GALNT1: variants seen among roughly 807,000 people sequenced by gnomAD.
GALNT1 encodes the protein polypeptide N-acetylgalactosaminyltransferase 1.
A neutral mutation model predicts 65.7 loss-of-function variants in GALNT1; 17 were observed. The observed-to-expected ratio is 0.26, with a 90% CI of 0.18 to 0.39. GALNT1 has a LOEUF of 0.39. Among genes scored for constraint, GALNT1 ranks in the 10% least tolerant of loss-of-function variants. GALNT1 has a pLI of 1.00. For synonymous variants in GALNT1, 210 were observed against 219.7 expected (o/e 0.96, Z 0.39); for missense variants, 460 against 672.8 (o/e 0.68, Z 3.50).
At chr18:35,595,526 A>C (rs999849599) in intron 1 of GALNT1, among the ~76,000 whole-genome samples, 2 of 152,216 alleles carry the variant, frequency 1.3e-5, no homozygotes, top group Admixed American at 6.5e-5. Context: ...CCATAAACCT[A>C]TGGCAACAAG....
intron 6 of GALNT1, among the ~76,000 whole-genome samples, chr18:35,688,256 T>G (rs1205821275): frequency 6.6e-6 from 1 of 152,190 alleles, no homozygotes; most frequent in Admixed American, 6.5e-5. Flanking sequence ...TCTCATTCTT[T>G]TTTTCTTCTA....
At chr18:35,595,623 T>G (rs186429796) in intron 1 of GALNT1, among the ~76,000 whole-genome samples, 13 of 152,338 alleles carry the variant, frequency 8.5e-5, no homozygotes, top group Admixed American at 7.2e-4. Context: ...CACCTGATGT[T>G]AACATGTTTT....
At chr18:35,628,384 T>TC in intron 1 of GALNT1, among the ~76,000 whole-genome samples, 1 of 152,250 alleles carries the variant, frequency 6.6e-6, no homozygotes, top group Non-Finnish European at 1.5e-5. Context: ...AGAGGAACAA[T>TC]CAGGCAGCAA....
intron 1 of GALNT1, among the ~76,000 whole-genome samples, chr18:35,625,169 T>A (rs781023969): frequency 2.0e-5 from 3 of 152,210 alleles, no homozygotes; most frequent in South Asian, 2.1e-4. Flanking sequence ...ATTCCCATGC[T>A]GGGGATGTTT....
At chr18:35,642,704 T>C (rs7240353) in intron 1 of GALNT1, among the ~76,000 whole-genome samples, 4 of 152,016 alleles carry the variant, frequency 2.6e-5, no homozygotes, top group Non-Finnish European at 5.9e-5. Flanking sequence ...ACCCACAGAG[T>C]GGAAGCTCAT....
intron 1 of GALNT1, chr18:35,596,845 G>A (rs1023909185): frequency 6.6e-6 from 1 of 152,194 alleles, no homozygotes; most frequent in African/African-American, 2.4e-5. Context: ...CCTCAGCAGA[G>A]CCTCCAGTTC....
chr18:35,625,093 G>T (rs577600843), intron 1 of GALNT1, among the ~76,000 whole-genome samples: 1 of 152,364 alleles, frequency 6.6e-6, no homozygotes, highest in South Asian at 2.1e-4. Flanking sequence ...ATGCTGTCTT[G>T]TAGATTAGTT....
At chr18:35,709,174 T>A (rs543060481) in intron 11 of GALNT1, among the ~76,000 whole-genome samples, 3 of 152,210 alleles carry the variant, frequency 2.0e-5, no homozygotes, top group Non-Finnish European at 4.4e-5. Context: ...AACAGCCTTA[T>A]CATAGAGAAA....
At chr18:35,613,485 C>A (rs552161627) in intron 1 of GALNT1, among the ~76,000 whole-genome samples, 1 of 152,272 alleles carries the variant, frequency 6.6e-6, no homozygotes, top group East Asian at 1.9e-4. Flanking sequence ...AACAAGAAAT[C>A]TTGAATCCAG....
At chr18:35,611,329 A>G (rs2046713975) in intron 1 of GALNT1, among the ~76,000 whole-genome samples, 1 of 152,160 alleles carries the variant, frequency 6.6e-6, no homozygotes, top group Admixed American at 6.5e-5. Flanking sequence ...TAAGGCAGGA[A>G]TACTGTGTGA....
At chr18:35,708,143 C>G (rs2048296283) in intron 11 of GALNT1, among the ~76,000 whole-genome samples, 1 of 152,014 alleles carries the variant, frequency 6.6e-6, no homozygotes, top group Admixed American at 6.6e-5. Context: ...GGTTTTTGCT[C>G]AGAAGCATAT....
intron 2 of GALNT1, among the ~76,000 whole-genome samples, chr18:35,660,757 G>A (rs957735262): frequency 4.6e-5 from 7 of 152,166 alleles, no homozygotes; most frequent in East Asian, 1.9e-4. Context: ...ATCCAAACTC[G>A]TTTGCCAAGA....
intron 11 of GALNT1, among the ~76,000 whole-genome samples, chr18:35,707,827 G>A (rs564174350): frequency 2.1e-4 from 32 of 152,224 alleles, no homozygotes; most frequent in Non-Finnish European, 4.0e-4. Flanking sequence ...AGGTTCTCTT[G>A]TTCTGGTCTT....
chr18:35,628,164 C>A (rs1487679375), intron 1 of GALNT1, among the ~76,000 whole-genome samples: 1 of 152,226 alleles, frequency 6.6e-6, no homozygotes, highest in Admixed American at 6.5e-5. Context: ...GAACAAAAGG[C>A]AGCAGAAACC....
intron 1 of GALNT1, among the ~76,000 whole-genome samples, chr18:35,627,691 C>T (rs533255405): frequency 7.9e-5 from 12 of 152,138 alleles, no homozygotes; most frequent in Middle Eastern, 6.8e-3. Context: ...ACTGAGGTAC[C>T]GGGTTCATAT....
At chr18:35,706,451 G>A (rs1025448329) in intron 11 of GALNT1, among the ~76,000 whole-genome samples, 7 of 152,052 alleles carry the variant, frequency 4.6e-5, no homozygotes, top group East Asian at 3.9e-4. Context: ...GCAGTGAGCC[G>A]ATACCGCGCC....
intron 1 of GALNT1, among the ~76,000 whole-genome samples, chr18:35,625,875 A>T (rs1312776334): frequency 6.6e-6 from 1 of 152,166 alleles, no homozygotes; most frequent in Non-Finnish European, 1.5e-5. Context: ...TTAAAAATTA[A>T]AGTATGAGAA....
At chr18:35,627,751 G>A (rs1598787778) in intron 1 of GALNT1, among the ~76,000 whole-genome samples, 4 of 123,196 alleles carry the variant, frequency 3.2e-5, no homozygotes, top group South Asian at 2.4e-4. Flanking sequence ...GTAGCACACC[G>A]AGCTGAAGCA....
rs567930016 is a variant in GALNT1, at chr18:35,611,208, A to T, written c.-104+29346A>T. On this transcript the variant is annotated intron_variant, in intron 1 of 11. Coordinates refer to ENST00000269195, the MANE Select transcript of GALNT1 (RefSeq NM_020474.4). ...TGGAGCTGTTTTGGTTAAAGTGCAT[A>T]TGTGGTGGGAATACGGATTCGGGAG... 5.3e-5 allele frequency among the ~76,000 whole-genome samples: 8 copies of T among 152,278 alleles called. No homozygotes were observed. In the South Asian group the frequency reaches 1.2e-3, roughly 24 times the overall value.
Sources: gnomAD v4.1 joint callset for allele counts (sites outside exome capture counted in the v4.1 genomes callset) on GRCh38, gnomAD v4.1.1 for gene constraint, MANE v1.5 for transcripts, NCBI Gene and HGNC (gene_info 2026-07-23, HGNC 2026-07-21) for gene names.